The following SKOR1 variants were observed in gnomAD, a reference collection of about 807,000 sequenced individuals.
SKOR1 encodes SKI family transcriptional corepressor 1, also known as LBX1 corepressor 1.
Under a neutral mutation model 72.4 loss-of-function variants are expected in SKOR1, and 38 were observed. The ratio of observed to expected loss-of-function variants is 0.52; its 90% CI spans 0.40 to 0.69. SKOR1 has a LOEUF of 0.69. Among genes scored for constraint, SKOR1 ranks in the 30% least tolerant of loss-of-function variants. The pLI, the probability that SKOR1 is intolerant of heterozygous loss-of-function variation, is 0.00. For synonymous variants in SKOR1, 642 were observed against 599.4 expected (o/e 1.07, Z -1.04); for missense variants, 1,320 against 1,343.2 (o/e 0.98, Z 0.27).
At chr15:67,830,424 T>C (rs1324677053) in intron 4 of SKOR1, 126 bp downstream of exon 4, 7 of 792,064 alleles carry the variant, frequency 8.8e-6, no homozygotes, top group Non-Finnish European at 1.4e-5. Flanking sequence ...GTCTTCTTCC[T>C]CGGCGAGCAG....
Position 67,825,977 on chromosome 15 carries a change from G to A in SKOR1, c.149G>A (p.Gly50Glu). ...MEALTTQLGP[G>E]REGSSSPNSK... Reference sequence around the variant, plus strand: ...GCTCTCACCACTCAGCTGGGGCCGGGGCGCGAGGGCAGTTCCTCGCCCAAC... The same window carrying A: ...GCTCTCACCACTCAGCTGGGGCCGGAGCGCGAGGGCAGTTCCTCGCCCAAC... The change falls in exon 2 of 9, where the codon GGG becomes GAG. Residue 50 changes from glycine (G) to glutamate (E), a missense_variant. Gly to Glu is a moderately conservative substitution (Grantham distance 98). Coordinates refer to ENST00000380035, the MANE Select transcript of SKOR1 (RefSeq NM_001365915.1). The surrounding 1 kb of genome is among the most constrained non-coding windows in gnomAD (Gnocchi z 5.6). 1 of 1,526,620 alleles carries A rather than the reference G, an allele frequency of 6.6e-7. No individual in the cohort carries two copies. The highest frequency in any genetic ancestry group is 8.8e-7 in the Non-Finnish European group (1 of 1,137,614). The allele number at this position is 1,526,620 out of a possible 1,614,324, so 94.6% of individuals were successfully genotyped here.
Position 67,826,852 on chromosome 15 carries a change from C to T in SKOR1, c.1024C>T (p.Pro342Ser), listed in dbSNP as rs1470329288. The T allele has an allele frequency of 6.5e-7, 1 of 1,528,846 alleles. No homozygotes were observed. The allele number at this position is 1,528,846 out of a possible 1,614,324, so 94.7% of individuals were successfully genotyped here. ...TGCCGGGCCTCCGGGGCCACCTCCA[C>T]CCCACCCGCAGCGCGGACTTGGCCT... ...EAAGPPGPPP[P>S]HPQRGLGLAT... The change falls in exon 2 of 9, where the codon CCC (proline) becomes TCC (serine). Residue 342 changes from proline (P) to serine (S), a missense_variant. By Grantham distance (74) the Pro-to-Ser change is moderately conservative. Around this residue, in one of 3 missense-constraint regions of SKOR1, gnomAD observed 1,099 missense variants for 1,025.5 expected, o/e 1.07. Coordinates refer to ENST00000380035, the MANE Select transcript of SKOR1 (RefSeq NM_001365915.1).
chr15:67,825,583 GA>G lies in SKOR1; in HGVS notation c.-15del. On this transcript the variant is annotated 5_prime_UTR_variant, in exon 1 of 9. Coordinates refer to ENST00000380035, the MANE Select transcript of SKOR1 (RefSeq NM_001365915.1). The surrounding 1 kb of genome is among the most constrained non-coding windows in gnomAD (Gnocchi z 5.6). ...CCGAAGGCGCACGGATCTGGGCGCT[GA>G]AAAAGCCAGGATTTGGCAATGGCTT... 2 of 727,070 alleles carry G rather than the reference GA, an allele frequency of 2.8e-6. No homozygotes were observed. The highest frequency in any genetic ancestry group is 2.6e-6 in the Non-Finnish European group (1 of 390,386). The allele number at this position is 727,070 out of a possible 1,614,324, so 45.0% of individuals were successfully genotyped here. A position where few individuals can be genotyped will look rare whatever the true frequency, so the allele number is the denominator to read the frequency against.
In SKOR1 at chr15:67,827,929, A is replaced by C. The variant is rs529049622; in HGVS notation, c.2101A>C (p.Thr701Pro). 6.3e-7 allele frequency: 1 copy of C among 1,581,790 alleles called. No homozygotes were observed. Among genetic ancestry groups the C allele is most frequent in the Non-Finnish European group, 8.6e-7 (1 of 1,165,402 alleles). Reference sequence around the variant, plus strand: ...ACAGCCCACTGGACCCCCTTCCGCCACCTCCTCTGGCGCGGACGGTCCCGC... The same window carrying C: ...ACAGCCCACTGGACCCCCTTCCGCCCCCTCCTCTGGCGCGGACGGTCCCGC... ...GEQPTGPPSATSSGADGPANS... is the reference protein window; with the variant it reads ...GEQPTGPPSAPSSGADGPANS... Residue 701 changes from threonine to proline, a missense_variant, in exon 2 of 9, where the codon ACC becomes CCC. By Grantham distance (38) the Thr-to-Pro change is conservative. Coordinates refer to ENST00000380035, the MANE Select transcript of SKOR1 (RefSeq NM_001365915.1).
chr15:67,832,085 C>T lies in SKOR1; in HGVS notation c.2588-189C>T, dbSNP rs1298427489. On this transcript the variant is annotated intron_variant, in intron 5 of 8. Transcript: ENST00000380035. The surrounding 1 kb of genome is among the most constrained non-coding windows in gnomAD (Gnocchi z 4.5). ...GTCCTGAATTTATTCTCCTGGGCATCCTACCCACAGCCCAGTTTCTTCACC... is the reference window on the plus strand; with the variant it reads ...GTCCTGAATTTATTCTCCTGGGCATTCTACCCACAGCCCAGTTTCTTCACC... Among the ~76,000 whole-genome samples, 3 of 152,112 alleles carry T rather than the reference C, an allele frequency of 2.0e-5. No individual in the cohort carries two copies. Among genetic ancestry groups the T allele is most frequent in the Non-Finnish European group, 4.4e-5 (3 of 68,026 alleles).
rs937228378 is a variant in SKOR1, at chr15:67,833,394, C to A, written c.2803+137C>A. The A allele has an allele frequency of 3.3e-5, 31 of 937,356 alleles. No homozygotes were observed. The highest frequency in any genetic ancestry group is 4.8e-5 in the Non-Finnish European group (28 of 588,518). The allele number at this position is 937,356 out of a possible 1,614,324, so 58.1% of individuals were successfully genotyped here. A position where few individuals can be genotyped will look rare whatever the true frequency, so the allele number is the denominator to read the frequency against. Reference sequence around the variant, plus strand: ...GATCTGTGAGGGAGAAAAGTGGGAACTGATTTTAACGGGAAGATTATTCTA... The same window carrying A: ...GATCTGTGAGGGAGAAAAGTGGGAAATGATTTTAACGGGAAGATTATTCTA... On this transcript the variant is annotated intron_variant, in intron 8 of 8. Coordinates refer to ENST00000380035, the MANE Select transcript of SKOR1 (RefSeq NM_001365915.1). The surrounding 1 kb of genome is among the most constrained non-coding windows in gnomAD (Gnocchi z 6.0).
In SKOR1 at chr15:67,826,014, G is replaced by A; in HGVS notation, c.186G>A (p.Glu62=). 1.3e-6 allele frequency: 2 copies of A among 1,551,122 alleles called. No individual in the cohort carries two copies. The highest frequency in any genetic ancestry group is 8.7e-7 in the Non-Finnish European group (1 of 1,146,142). The change falls in exon 2 of 9, where the codon GAG becomes GAA. Residue 62 remains glutamate (E), a synonymous_variant. Transcript: ENST00000380035. ...GTTCCTCGCCCAACTCCAAGCAGGA[G>A]CTGCAGCCGTACTCGGGCTCCAGCG... ...EGSSSPNSKQ[E]LQPYSGSSAL...
At position 67,833,844 on chromosome 15, in the gene SKOR1, C is replaced by A. The variant is rs778577989; in HGVS notation, c.*8C>A. 1.9e-6 allele frequency: 3 copies of A among 1,607,126 alleles called. No individual in the cohort carries two copies. The East Asian group carries it at 6.7e-5, about 36-fold the overall frequency. On this transcript the variant is annotated 3_prime_UTR_variant, in exon 9 of 9. Coordinates refer to ENST00000380035, the MANE Select transcript of SKOR1 (RefSeq NM_001365915.1). This position sits in a 1 kb window ranked among gnomAD's most constrained non-coding sequence, Gnocchi z 6.0. The stretch of plus-strand genomic sequence containing the variant: ...CCACCGCTGTTGCCCTAGGGCCGGC[C>A]TGGCCGCACCCCTGCGCCCTCAAGC...
chr15:67,832,504 G>C lies in SKOR1; in HGVS notation c.2663-103G>C. 1 of 1,311,256 alleles carries C rather than the reference G, an allele frequency of 7.6e-7. No individual in the cohort carries two copies. Among genetic ancestry groups the C allele is most frequent in the Middle Eastern group, 1.9e-4 (1 of 5,240 alleles). The allele number at this position is 1,311,256 out of a possible 1,614,324, so 81.2% of individuals were successfully genotyped here. A position where few individuals can be genotyped will look rare whatever the true frequency, so the allele number is the denominator to read the frequency against. On this transcript the variant is annotated intron_variant, in intron 6 of 8. Transcript: ENST00000380035. The surrounding 1 kb of genome is among the most constrained non-coding windows in gnomAD (Gnocchi z 4.5). ...TTCCAGGGCTGCAGGCGAATGGCTG[G>C]GTGGGAGTTGGGGGTAGGGGTGAAA...
rs1344220402 is a variant in SKOR1, at chr15:67,833,088, T to C, written c.2738-104T>C. 2 of 1,217,040 alleles carry C rather than the reference T, an allele frequency of 1.6e-6. No homozygotes were observed. The highest frequency in any genetic ancestry group is 3.0e-5 in the African/African-American group (2 of 66,762). 75.4% of individuals were successfully genotyped at this position (1,217,040 alleles called of 1,614,324 possible). A position where few individuals can be genotyped will look rare whatever the true frequency, so the allele number is the denominator to read the frequency against. On this transcript the variant is annotated intron_variant, in intron 7 of 8. Coordinates refer to ENST00000380035, the MANE Select transcript of SKOR1 (RefSeq NM_001365915.1). This position sits in a 1 kb window ranked among gnomAD's most constrained non-coding sequence, Gnocchi z 6.0. ...CCTCCCCCATCCCTGGAGTTGTTTC[T>C]GCGCGGAGCTTAGCCCTGGGGAGAG...
rs749327646 is a variant in SKOR1, at chr15:67,825,625, G to A, written c.23G>A (p.Gly8Glu). The A allele has an allele frequency of 3.1e-5, 22 of 719,972 alleles. No homozygotes were observed. In the Admixed American group the frequency reaches 3.6e-4, roughly 12 times the overall value. 44.6% of individuals were successfully genotyped at this position (719,972 alleles called of 1,614,324 possible). A position where few individuals can be genotyped will look rare whatever the true frequency, so the allele number is the denominator to read the frequency against. Reference sequence around the variant, plus strand: ...GCAATGGCTTTGCTGTGTGGCCTTGGGCAAGTCACTCTGCGTATCTGGGTT... The same window carrying A: ...GCAATGGCTTTGCTGTGTGGCCTTGAGCAAGTCACTCTGCGTATCTGGGTT... MALLCGLGQVTLRIWVSL... is the reference protein window; with the variant it reads MALLCGLEQVTLRIWVSL... The change falls in exon 1 of 9, where the codon GGG becomes GAG. Residue 8 changes from glycine (G) to glutamate (E), a missense_variant. Coordinates refer to ENST00000380035, the MANE Select transcript of SKOR1 (RefSeq NM_001365915.1). The surrounding 1 kb of genome is among the most constrained non-coding windows in gnomAD (Gnocchi z 5.6).
At position 67,826,425 on chromosome 15, in the gene SKOR1, T is replaced by C; in HGVS notation, c.597T>C (p.Arg199=). 6.2e-7 allele frequency: 1 copy of C among 1,614,054 alleles called. No individual in the cohort carries two copies. The highest frequency in any genetic ancestry group is 1.1e-5 in the South Asian group (1 of 91,086). ...CGCGTGGTAGCTTCATCCCTGCGCG[T>C]TACAACAGCTCTCGTGCCAAGTGCA... ...WGSRGSFIPA[R]YNSSRAKCIK... The change falls in exon 2 of 9, where the codon CGT becomes CGC. Residue 199 remains arginine (R), a synonymous_variant. Coordinates refer to ENST00000380035, the MANE Select transcript of SKOR1 (RefSeq NM_001365915.1).
Position 67,832,354 on chromosome 15 carries a change from C to G in SKOR1, c.2662+6C>G. Reference sequence around the variant, plus strand: ...GGAATTTCAGAGTCTCAAAGGTACCCACTGCCATCCTGCCTCACCCCACCT... The same window carrying G: ...GGAATTTCAGAGTCTCAAAGGTACCGACTGCCATCCTGCCTCACCCCACCT... On this transcript the variant is annotated splice_donor_region_variant and intron_variant, in intron 6 of 8. Transcript: ENST00000380035. The surrounding 1 kb of genome is among the most constrained non-coding windows in gnomAD (Gnocchi z 4.5). The G allele has an allele frequency of 6.2e-7, 1 of 1,614,010 alleles. No individual in the cohort carries two copies. Among genetic ancestry groups the G allele is most frequent in the Middle Eastern group, 1.7e-4 (1 of 6,060 alleles).
chr15:67,830,108 G>C, intron 3 of SKOR1, 83 bp from the exon 4 acceptor site: 1 of 1,399,714 alleles, frequency 7.1e-7, no homozygotes. Context: ...ATTAGGGCTG[G>C]GGCGCCCCGA....
At chr15:67,828,320 C>G (rs1395564272) in intron 2 of SKOR1, among the ~76,000 whole-genome samples, 176 bp downstream of exon 2, 1 of 152,220 alleles carries the variant, frequency 6.6e-6, no homozygotes, top group African/African-American at 2.4e-5. Context: ...CCCACCCGCA[C>G]CCTCCAGTGA....
chr15:67,833,153 G>C lies in SKOR1; in HGVS notation c.2738-39G>C. The C allele has an allele frequency of 1.9e-6, 3 of 1,612,242 alleles. 1 individual carries two copies. Among genetic ancestry groups the C allele is most frequent in the Middle Eastern group, 1.7e-4 (1 of 6,058 alleles). On this transcript the variant is annotated intron_variant, in intron 7 of 8. Coordinates refer to ENST00000380035, the MANE Select transcript of SKOR1 (RefSeq NM_001365915.1). The surrounding 1 kb of genome is among the most constrained non-coding windows in gnomAD (Gnocchi z 6.0). Reference sequence around the variant, plus strand: ...TGTGACCCCGGCCTTTCGGAGGGTGGTCTGCGTTTCCTCACTGGCCCCTCC... The same window carrying C: ...TGTGACCCCGGCCTTTCGGAGGGTGCTCTGCGTTTCCTCACTGGCCCCTCC...
Position 67,827,505 on chromosome 15 carries a change from C to T in SKOR1, c.1677C>T (p.Arg559=). 5 of 1,523,300 alleles carry T rather than the reference C, an allele frequency of 3.3e-6. No individual in the cohort carries two copies. The highest frequency in any genetic ancestry group is 3.5e-6 in the Non-Finnish European group (4 of 1,142,482). 94.4% of individuals were successfully genotyped at this position (1,523,300 alleles called of 1,614,324 possible). ...AEERCPSALS[R]GPLDEDGTDE... ...AGCGCTGCCCGAGCGCTCTGTCCCG[C>T]GGGCCCCTGGACGAAGACGGCACGG... Residue 559 remains arginine, a synonymous_variant, in exon 2 of 9, where the codon CGC becomes CGT. Coordinates refer to ENST00000380035, the MANE Select transcript of SKOR1 (RefSeq NM_001365915.1).
Position 67,833,679 on chromosome 15 carries a change from G to C in SKOR1, c.2804-63G>C, listed in dbSNP as rs1015105498. ...GGTAAGGCCGGGGAGGGGAAAGGGT[G>C]GACTGCGCGGTGAGGTGAGCCTGGA... On this transcript the variant is annotated intron_variant, in intron 8 of 8. Transcript: ENST00000380035. The surrounding 1 kb of genome is among the most constrained non-coding windows in gnomAD (Gnocchi z 6.0). 5.9e-6 allele frequency: 9 copies of C among 1,523,488 alleles called. No homozygotes were observed. Among genetic ancestry groups the C allele is most frequent in the Non-Finnish European group, 8.2e-6 (9 of 1,100,148 alleles). 94.4% of individuals were successfully genotyped at this position (1,523,488 alleles called of 1,614,324 possible).
In SKOR1 at chr15:67,833,749, C is replaced by T; in HGVS notation, c.2811C>T (p.His937=). 2 of 1,613,614 alleles carry T rather than the reference C, an allele frequency of 1.2e-6. No individual in the cohort carries two copies. The highest frequency in any genetic ancestry group is 1.7e-6 in the Non-Finnish European group (2 of 1,180,010). The part of the protein sequence containing the change: ...YAIQQKLKEA[H]DALHHFSCKM... ...TCGCGACTGTCTCCCCAGAAGCCCA[C>T]GACGCCCTGCACCATTTCTCCTGCA... The change falls in exon 9 of 9, where the codon CAC becomes CAT. Residue 937 remains histidine, a synonymous_variant. Transcript: ENST00000380035. This position sits in a 1 kb window ranked among gnomAD's most constrained non-coding sequence, Gnocchi z 6.0.
Sources: allele counts gnomAD v4.1 joint callset (sites outside exome capture counted in the v4.1 genomes callset), GRCh38; gene constraint gnomAD v4.1.1; regional missense constraint gnomAD v4.1.1; non-coding constraint Gnocchi (gnomAD v3.1); transcripts MANE v1.5; gene names NCBI Gene and HGNC (gene_info 2026-07-23, HGNC 2026-07-21).